The following TMC2 variants were observed in gnomAD, a reference collection of about 807,000 sequenced individuals.
TMC2 encodes the protein transmembrane channel-like protein 2.
Under a neutral mutation model 105.9 loss-of-function variants are expected in TMC2, and 102 were observed. The observed-to-expected ratio is 0.96, with a 90% confidence interval of 0.82 to 1.14. The LOEUF is 1.14. TMC2 is among the 50% of genes most tolerant of loss of function. The probability of loss-of-function intolerance (pLI) is 0.00; values close to 1 mark genes in which losing one functional copy is unlikely to be tolerated. For missense variants in TMC2, 1,093 were observed against 1,134.3 expected, an observed-to-expected ratio of 0.96 and a Z score of 0.52; for synonymous variants, 402 against 422.8, an observed-to-expected ratio of 0.95 and a Z score of 0.60.
At chr20:2,596,402 C>T (rs2086306978) in intron 9 of TMC2, among the ~76,000 whole-genome samples, 1 of 152,232 alleles carries the variant, frequency 6.6e-6, no homozygotes, top group South Asian at 2.1e-4. Context: ...GAGGCCGAGG[C>T]AGGCAGATCA....
chr20:2,627,168 A>T (rs986982129), intron 17 of TMC2, among the ~76,000 whole-genome samples: 3 of 152,196 alleles, frequency 2.0e-5, no homozygotes, highest in Non-Finnish European at 4.4e-5. Flanking sequence ...CTGTTTACTC[A>T]TATAGCCTCC....
At chr20:2,551,699 T>G (rs1265001049) in intron 2 of TMC2, among the ~76,000 whole-genome samples, 1 of 152,196 alleles carries the variant, frequency 6.6e-6, no homozygotes, top group African/African-American at 2.4e-5. Context: ...TGTATCTAGA[T>G]TTTTGGTTTT....
intron 7 of TMC2, among the ~76,000 whole-genome samples, chr20:2,588,344 C>T (rs527895737): frequency 1.0e-3 from 159 of 152,278 alleles, no homozygotes; most frequent in Non-Finnish European, 1.9e-3. Context: ...GAAGAGGACT[C>T]CAGACCCCAG....
At chr20:2,552,451 T>A (rs541281268) in intron 2 of TMC2, among the ~76,000 whole-genome samples, 5 of 152,356 alleles carry the variant, frequency 3.3e-5, no homozygotes, top group African/African-American at 1.2e-4. Flanking sequence ...AGTTCTTTCA[T>A]CAGAATTTTG....
At chr20:2,601,817 G>A (rs1276534993) in intron 10 of TMC2, among the ~76,000 whole-genome samples, 2 of 151,960 alleles carry the variant, frequency 1.3e-5, no homozygotes, top group Non-Finnish European at 2.9e-5. Context: ...AGCAACAAGA[G>A]CAAAACTCTG....
intron 19 of TMC2, among the ~76,000 whole-genome samples, chr20:2,638,242 G>A (rs549481657): frequency 1.1e-4 from 17 of 152,188 alleles, no homozygotes; most frequent in Admixed American, 5.9e-4. Flanking sequence ...TTGGGAGGCT[G>A]AGGCAGGAGA....
chr20:2,541,961 G>T (rs1600092872), intron 2 of TMC2, among the ~76,000 whole-genome samples: 1 of 151,952 alleles, frequency 6.6e-6, no homozygotes, highest in East Asian at 1.9e-4. Flanking sequence ...TTGCTTAACG[G>T]TCTTTGTGTC....
chr20:2,580,664 C>T (rs1034126242), intron 7 of TMC2, among the ~76,000 whole-genome samples: 3 of 152,056 alleles, frequency 2.0e-5, no homozygotes, highest in Non-Finnish European at 2.9e-5. Context: ...TTCAGTGCAG[C>T]CTTGAACTCC....
chr20:2,580,062 A>C lies in TMC2; in HGVS notation c.834+6A>C, dbSNP rs755020379. 2.5e-6 allele frequency: 4 copies of C among 1,577,260 alleles called. No homozygotes were observed. Among genetic ancestry groups the C allele is most frequent in the Non-Finnish European group, 3.5e-6 (4 of 1,146,904 alleles). ...GTCTAGTCATAATCCCAGAGGTAAGAAAAGAACTTCCTAAATCTTTGGATA... is the reference window on the plus strand; with the variant it reads ...GTCTAGTCATAATCCCAGAGGTAAGCAAAGAACTTCCTAAATCTTTGGATA... On this transcript the variant is annotated splice_donor_region_variant and intron_variant, in intron 7 of 19. Transcript: ENST00000358864.
chr20:2,557,486 C>A (rs1364379882), intron 2 of TMC2, among the ~76,000 whole-genome samples: 1 of 151,960 alleles, frequency 6.6e-6, no homozygotes, highest in Non-Finnish European at 1.5e-5. Flanking sequence ...GCATGTTGTC[C>A]ATTTTATCCA....
intron 4 of TMC2, among the ~76,000 whole-genome samples, chr20:2,569,073 T>A (rs771664634): frequency 2.0e-5 from 3 of 152,092 alleles, no homozygotes; most frequent in Non-Finnish European, 4.4e-5. Context: ...CATGATTGGG[T>A]TTATCTAGTG....
intron 16 of TMC2, 150 bp from the exon 17 acceptor site, chr20:2,624,121 A>T: frequency 2.4e-6 from 2 of 849,868 alleles, no homozygotes; most frequent in Non-Finnish European, 3.5e-6. Context: ...GGAATTTTTT[A>T]CTTGCAGTTC....
chr20:2,540,209 C>G (rs1314387116), intron 2 of TMC2, among the ~76,000 whole-genome samples: 1 of 151,332 alleles, frequency 6.6e-6, no homozygotes, highest in Non-Finnish European at 1.5e-5. Flanking sequence ...CCAGGCTGGT[C>G]TCAAACTCAT....
At chr20:2,563,633 A>T (rs2086043054) in intron 4 of TMC2, among the ~76,000 whole-genome samples, 1 of 152,248 alleles carries the variant, frequency 6.6e-6, no homozygotes, top group Non-Finnish European at 1.5e-5. Flanking sequence ...ACCACATACA[A>T]GAAACAAGTA....
rs529309219 is a variant in TMC2, at chr20:2,601,556, T to C, written c.1225-557T>C. The stretch of plus-strand genomic sequence containing the variant: ...GTGTTGCTGGGATTAAGAGGGACAA[T>C]GCAGCCAGGCACAGTGGCTCATGCC... On this transcript the variant is annotated intron_variant, in intron 10 of 19. Transcript: ENST00000358864. Among the ~76,000 whole-genome samples, 6 of 152,292 alleles carry C rather than the reference T, an allele frequency of 3.9e-5. No individual in the cohort carries two copies. In the South Asian group the frequency reaches 1.2e-3, roughly 32 times the overall value.
At chr20:2,621,472 G>T (rs1474893787) in intron 16 of TMC2, among the ~76,000 whole-genome samples, 3 of 151,546 alleles carry the variant, frequency 2.0e-5, no homozygotes, top group African/African-American at 7.3e-5. Flanking sequence ...ATTCTGTGCT[G>T]TTGGTTTTGA....
At position 2,554,596 on chromosome 20, in the gene TMC2, A is replaced by C. The variant is rs146193635; in HGVS notation, c.83-3860A>C. On this transcript the variant is annotated intron_variant, in intron 2 of 19. Transcript: ENST00000358864. ...CAATGCTATGAGTTTCTTTCTAAGC[A>C]CTGCTTTTGCTGCATCCCATAAATT... Among the ~76,000 whole-genome samples the C allele has an allele frequency of 3.3e-3, 499 of 152,318 alleles. 4 individuals are homozygous for C. The highest frequency in any genetic ancestry group is 0.011 in the African/African-American group (469 of 41,574).
At chr20:2,598,324 T>C (rs1455434040) in intron 10 of TMC2, among the ~76,000 whole-genome samples, 1 of 152,160 alleles carries the variant, frequency 6.6e-6, no homozygotes, top group Non-Finnish European at 1.5e-5. Flanking sequence ...CCACAGGGGC[T>C]GAGGTGGGCA....
intron 4 of TMC2, among the ~76,000 whole-genome samples, chr20:2,570,134 G>A (rs2086093105): frequency 6.6e-6 from 1 of 151,994 alleles, no homozygotes; most frequent in Non-Finnish European, 1.5e-5. Context: ...CTTAATCAGA[G>A]CAATCAGGCA....
Sources: allele counts gnomAD v4.1 joint callset (sites outside exome capture counted in the v4.1 genomes callset), GRCh38; gene constraint gnomAD v4.1.1; transcripts MANE v1.5; gene names NCBI Gene and HGNC (gene_info 2026-07-23, HGNC 2026-07-21).